Variants in LHCGR observed in about 807,000 individuals in gnomAD.
LHCGR encodes luteinizing hormone/choriogonadotropin receptor.
Under a neutral mutation model 60.7 loss-of-function variants are expected in LHCGR, and 55 were observed. The ratio of observed to expected loss-of-function variants is 0.91; its 90% CI spans 0.73 to 1.13. The LOEUF is 1.13. Among genes scored for constraint, LHCGR ranks in the 50% most tolerant of loss-of-function variants. LHCGR has a pLI of 0.00. For synonymous variants in LHCGR, 337 were observed against 316.5 expected (o/e 1.06, Z -0.69); for missense variants, 862 against 836.0 (o/e 1.03, Z -0.38).
intron 8 of LHCGR, among the ~76,000 whole-genome samples, chr2:48,707,386 A>G (rs991548995): frequency 2.6e-5 from 4 of 152,154 alleles, no homozygotes; most frequent in Non-Finnish European, 4.4e-5. Flanking sequence ...GGACCCCTTG[A>G]GGAGGCAGTC....
intron 6 of LHCGR, among the ~76,000 whole-genome samples, chr2:48,722,900 C>G (rs1668564093): frequency 1.3e-5 from 2 of 152,026 alleles, no homozygotes; most frequent in African/African-American, 4.8e-5. Context: ...AGCCTGGTAA[C>G]CTGACGAGTA....
intron 1 of LHCGR, among the ~76,000 whole-genome samples, chr2:48,739,840 A>C (rs2103676177): frequency 6.6e-6 from 1 of 152,354 alleles, no homozygotes; most frequent in Middle Eastern, 3.4e-3. Flanking sequence ...CAATTTGAGA[A>C]AGATGGCCGA....
chr2:48,700,885 G>T (rs902016623), intron 8 of LHCGR, among the ~76,000 whole-genome samples: 1 of 152,184 alleles, frequency 6.6e-6, no homozygotes, highest in Non-Finnish European at 1.5e-5. Flanking sequence ...AAGTTAGGAA[G>T]CAGAAAGATC....
chr2:48,728,514 G>A (rs1190612849), intron 3 of LHCGR, among the ~76,000 whole-genome samples: 2 of 152,150 alleles, frequency 1.3e-5, no homozygotes, highest in Non-Finnish European at 2.9e-5. Flanking sequence ...TTTCAGCTCT[G>A]GCACTAACTT....
chr2:48,725,853 C>A, intron 3 of LHCGR, 103 bp from the exon 4 acceptor site: 1 of 940,492 alleles, frequency 1.1e-6, no homozygotes, highest in Non-Finnish European at 1.7e-6. Flanking sequence ...AAAATGGCAT[C>A]AGCAAAAGCA....
chr2:48,694,668 A>G (rs1208872214), intron 9 of LHCGR, among the ~76,000 whole-genome samples: 1 of 152,174 alleles, frequency 6.6e-6, no homozygotes, highest in African/African-American at 2.4e-5. Flanking sequence ...GGCCTTAACA[A>G]ATAGTCATTC....
In LHCGR at chr2:48,688,464, A is replaced by G; in HGVS notation, c.1333T>C (p.Phe445Leu). ...GAAAGTTCACTTGCGAATACAGTGA[A>G]AAAGCCAGCAGTGCTGCACCCACTC... is the stretch of plus-strand genomic sequence containing the variant. Reference protein sequence around the residue: ...TGSGCSTAGFFTVFASELSVY... With the variant: ...TGSGCSTAGFLTVFASELSVY... The change falls in exon 11 of 11, where the codon TTC (phenylalanine) becomes CTC (leucine). Residue 445 changes from phenylalanine (F) to leucine (L), a missense_variant. Coordinates refer to ENST00000294954, the MANE Select transcript of LHCGR (RefSeq NM_000233.4). This position sits in a 1 kb window ranked among gnomAD's most constrained non-coding sequence, Gnocchi z 5.2. 1 of 1,614,208 alleles carries G rather than the reference A, an allele frequency of 6.2e-7. No individual in the cohort carries two copies. The highest frequency in any genetic ancestry group is 1.1e-5 in the South Asian group (1 of 91,082).
intron 6 of LHCGR, among the ~76,000 whole-genome samples, chr2:48,718,479 A>T (rs1668359384): frequency 6.6e-6 from 1 of 152,204 alleles, no homozygotes; most frequent in South Asian, 2.1e-4. Context: ...TTTCTGGATG[A>T]TTTTGAAGAA....
intron 3 of LHCGR, among the ~76,000 whole-genome samples, chr2:48,728,116 A>G (rs1324457389): frequency 6.7e-6 from 1 of 150,030 alleles, no homozygotes; most frequent in Non-Finnish European, 1.5e-5. Context: ...CTCATCAGCT[A>G]TTGTTAGTGT....
chr2:48,737,571 T>C (rs4131885), intron 1 of LHCGR, among the ~76,000 whole-genome samples: 57,416 of 152,046 alleles, frequency 0.38, 12,149 homozygotes, highest in East Asian at 0.69. Context: ...TTTAAATCTT[T>C]GAGCTGTCAA....
intron 4 of LHCGR, among the ~76,000 whole-genome samples, chr2:48,725,158 A>G (rs924011668): frequency 2.0e-5 from 3 of 152,200 alleles, no homozygotes; most frequent in Admixed American, 6.5e-5. Flanking sequence ...ACTTAGTTAG[A>G]ATTAATGGGA....
rs757573390 is a variant in LHCGR at position 48,687,692 on chromosome 2, A to C, written c.*5T>G. 9.3e-6 allele frequency: 15 copies of C among 1,609,274 alleles called. No homozygotes were observed. Among genetic ancestry groups the C allele is most frequent in the Non-Finnish European group, 1.2e-5 (14 of 1,175,738 alleles). ...AATTCAATAATGCAGTTACTGATGT[A>C]ACAGTTAACACTCTGTGTAGCGAGT... On this transcript the variant is annotated 3_prime_UTR_variant, in exon 11 of 11. Transcript: ENST00000294954.
chr2:48,701,231 G>A (rs756210169), intron 8 of LHCGR, among the ~76,000 whole-genome samples: 10 of 152,022 alleles, frequency 6.6e-5, no homozygotes, highest in Non-Finnish European at 1.2e-4. Flanking sequence ...TCTACAGTAC[G>A]AAGAATAACA....
intron 6 of LHCGR, among the ~76,000 whole-genome samples, chr2:48,719,358 GTC>G (rs968790525): frequency 2.0e-5 from 3 of 152,144 alleles, no homozygotes; most frequent in African/African-American, 7.2e-5. Flanking sequence ...AGACCCAGCA[GTC>G]TCTCTACTGT....
chr2:48,755,568 T>C lies in LHCGR; in HGVS notation c.104A>G (p.Asn35Ser), dbSNP rs1163658646. ...LREALCPEPC[N>S]CVPDGALRCP... ...GCGCAGGGCGCCGTCGGGCACGCAG[T>C]TGCAGGGCTCAGGGCAGAGCGCCTC... Residue 35 changes from asparagine to serine, a missense_variant, in exon 1 of 11, where the codon AAC (asparagine) becomes AGC (serine). Coordinates refer to ENST00000294954, the MANE Select transcript of LHCGR (RefSeq NM_000233.4). The C allele has an allele frequency of 1.3e-6, 2 of 1,540,690 alleles. No homozygotes were observed. The highest frequency in any genetic ancestry group is 3.9e-5 in the Admixed American group (2 of 50,892).
intron 2 of LHCGR, among the ~76,000 whole-genome samples, 153 bp from the exon 3 acceptor site, chr2:48,729,380 C>T (rs185635480): frequency 1.6e-4 from 25 of 152,316 alleles, no homozygotes; most frequent in Admixed American, 1.6e-3. Context: ...CCAAATCATA[C>T]AGTGCTAACA....
intron 6 of LHCGR, among the ~76,000 whole-genome samples, chr2:48,722,863 G>C (rs1372015668): frequency 6.6e-6 from 1 of 152,118 alleles, no homozygotes; most frequent in African/African-American, 2.4e-5. Context: ...TGAATAGTGA[G>C]GCCTTAGGAA....
chr2:48,693,451 C>G (rs1666960782), intron 10 of LHCGR, among the ~76,000 whole-genome samples: 1 of 152,132 alleles, frequency 6.6e-6, no homozygotes, highest in South Asian at 2.1e-4. Flanking sequence ...TTCCACCGTA[C>G]CAACCTGAAG....
intron 8 of LHCGR, among the ~76,000 whole-genome samples, chr2:48,704,166 G>A (rs562422292): frequency 6.6e-6 from 1 of 152,160 alleles, no homozygotes; most frequent in African/African-American, 2.4e-5. Context: ...TTTGTCATTG[G>A]TTCTGTTTAT....
Sources: gnomAD v4.1 joint callset for allele counts (sites outside exome capture counted in the v4.1 genomes callset) on GRCh38, gnomAD v4.1.1 for gene constraint, Gnocchi (gnomAD v3.1) non-coding constraint, MANE v1.5 for transcripts, NCBI Gene and HGNC (gene_info 2026-07-23, HGNC 2026-07-21) for gene names.